The following NTN1 variants were observed in gnomAD, a reference collection of about 807,000 sequenced individuals.
NTN1 encodes netrin-1.
Under a neutral mutation model 54.2 loss-of-function variants are expected in NTN1, and 11 were observed. That is an observed-to-expected ratio of 0.20 (90% confidence interval 0.13 to 0.34). The LOEUF is 0.34. Ranked by LOEUF, NTN1 falls within the 10% of genes least tolerant of loss-of-function variation. NTN1 has a pLI of 1.00. For missense variants in NTN1, 740 were observed against 893.1 expected (o/e 0.83, Z 2.18); for synonymous variants, 371 against 382.0 (o/e 0.97, Z 0.33).
At chr17:9,196,626 G>A (rs1422976199) in intron 5 of NTN1, among the ~76,000 whole-genome samples, 4 of 152,268 alleles carry the variant, frequency 2.6e-5, no homozygotes, top group African/African-American at 9.6e-5. Flanking sequence ...AGTAAGGGCA[G>A]TAGATTGGTG....
chr17:9,058,136 T>C (rs1289137316), intron 2 of NTN1, among the ~76,000 whole-genome samples: 1 of 152,198 alleles, frequency 6.6e-6, no homozygotes, highest in African/African-American at 2.4e-5. Flanking sequence ...AAAATATGCC[T>C]GCCTCGGCCT....
At chr17:9,116,156 G>A (rs929476067) in intron 2 of NTN1, among the ~76,000 whole-genome samples, 1 of 152,364 alleles carries the variant, frequency 6.6e-6, no homozygotes, top group East Asian at 1.9e-4. Context: ...CTGTGGGCCA[G>A]CTAGACCCTT....
intron 1 of NTN1, 115 bp from the exon 2 acceptor site, chr17:9,022,196 C>A: frequency 2.9e-6 from 2 of 684,882 alleles, no homozygotes; most frequent in Non-Finnish European, 4.1e-6. Context: ...GGGCAGTCGG[C>A]TGCGGGGTGG....
chr17:9,087,012 C>T (rs1374355646), intron 2 of NTN1, among the ~76,000 whole-genome samples: 1 of 152,216 alleles, frequency 6.6e-6, no homozygotes, highest in African/African-American at 2.4e-5. Flanking sequence ...TCTTTGCACA[C>T]ATTGTCTCAT....
chr17:9,116,383 G>T (rs920697699), intron 2 of NTN1, among the ~76,000 whole-genome samples: 1 of 126,576 alleles, frequency 7.9e-6, no homozygotes, highest in Admixed American at 1.1e-4. Flanking sequence ...CCCATCTTTT[G>T]CTCCAGAAGT....
intron 2 of NTN1, among the ~76,000 whole-genome samples, chr17:9,068,703 T>G (rs1426803527): frequency 1.3e-5 from 2 of 151,796 alleles, no homozygotes; most frequent in African/African-American, 4.8e-5. Flanking sequence ...AGACGAGGTT[T>G]CTCCATGTTG....
At chr17:9,047,764 G>A (rs1030886296) in intron 2 of NTN1, among the ~76,000 whole-genome samples, 5 of 150,806 alleles carry the variant, frequency 3.3e-5, no homozygotes, top group East Asian at 1.9e-4. Flanking sequence ...GCGCGATCTC[G>A]GCTCACTGCA....
rs190386544 is a variant in NTN1, at chr17:9,097,209, A to G, written c.1019-65604A>G. Among the ~76,000 whole-genome samples, 4 of 152,376 alleles carry G rather than the reference A, an allele frequency of 2.6e-5. No individual in the cohort carries two copies. In the East Asian group the frequency reaches 7.7e-4, roughly 29 times the overall value. ...GTACAAAAATAAGTCAAAAGTCAGA[A>G]ATTCAAACGCTGCTGTAAGATGTGT... On this transcript the variant is annotated intron_variant, in intron 2 of 6. Transcript: ENST00000173229.
chr17:9,075,748 G>A (rs927461546), intron 2 of NTN1, among the ~76,000 whole-genome samples: 1 of 152,216 alleles, frequency 6.6e-6, no homozygotes, highest in African/African-American at 2.4e-5. Context: ...TGCAGCCCCC[G>A]GAGGTGTGGC....
chr17:9,036,844 C>A (rs569277970), intron 2 of NTN1, among the ~76,000 whole-genome samples: 1 of 152,334 alleles, frequency 6.6e-6, no homozygotes, highest in Admixed American at 6.5e-5. Context: ...TACCCCTCCA[C>A]TGGGGTTCCC....
intron 6 of NTN1, among the ~76,000 whole-genome samples, chr17:9,235,540 C>G (rs1905956593): frequency 6.6e-6 from 1 of 152,144 alleles, no homozygotes; most frequent in South Asian, 2.1e-4. Context: ...TGCAACAAAA[C>G]CCCTTAGATT....
At chr17:9,178,524 G>A (rs923206449) in intron 3 of NTN1, among the ~76,000 whole-genome samples, 1 of 152,200 alleles carries the variant, frequency 6.6e-6, no homozygotes, top group Non-Finnish European at 1.5e-5. Flanking sequence ...GGGAGAGGTC[G>A]TGTTTTGAGC....
At chr17:9,109,950 T>C (rs971387747) in intron 2 of NTN1, among the ~76,000 whole-genome samples, 22 of 152,228 alleles carry the variant, frequency 1.4e-4, no homozygotes, top group African/African-American at 5.1e-4. Context: ...AGTGTGTGTC[T>C]TTTCTCTTGG....
intron 2 of NTN1, among the ~76,000 whole-genome samples, chr17:9,092,319 CTTTTTTT>C (rs148786553): frequency 0.11 from 9,769 of 92,274 alleles, 395 homozygotes; most frequent in Non-Finnish European, 0.14. Flanking sequence ...CTTTTCTTCT[CTTTTTTT>C]TTTTTTTTTT....
chr17:9,190,448 T>G (rs1309221142), intron 5 of NTN1, among the ~76,000 whole-genome samples: 1 of 152,148 alleles, frequency 6.6e-6, no homozygotes, highest in Admixed American at 6.5e-5. Context: ...AAAAGAAGAT[T>G]AATGGAGGGT....
At chr17:9,198,935 C>A (rs932321086) in intron 5 of NTN1, among the ~76,000 whole-genome samples, 2 of 152,186 alleles carry the variant, frequency 1.3e-5, no homozygotes, top group Non-Finnish European at 2.9e-5. Flanking sequence ...ATTCCTGGTA[C>A]CCACTACCAG....
rs1186151257 is a variant in NTN1 at position 9,022,407 on chromosome 17, CTGGCGGCGG to C, written c.40_48del (p.Ala14_Ala16del). 11 of 1,337,516 alleles carry C rather than the reference CTGGCGGCGG, an allele frequency of 8.2e-6. 1 individual carries two copies. Among genetic ancestry groups the C allele is most frequent in the Admixed American group, 8.2e-5 (2 of 24,286 alleles). 82.9% of individuals were successfully genotyped at this position (1,337,516 alleles called of 1,614,324 possible). A position where few individuals can be genotyped will look rare whatever the true frequency, so the allele number is the denominator to read the frequency against. On this transcript the variant is annotated inframe_deletion, in exon 2 of 7. Transcript: ENST00000173229. Reference sequence around the variant, plus strand: ...CGCAGTGTGGGAGGCGCTGGCGGCGCTGGCGGCGGTGGCGTGCCTGGTGGGCGCGGTGCG... The same window carrying C: ...CGCAGTGTGGGAGGCGCTGGCGGCGCTGGCGTGCCTGGTGGGCGCGGTGCG...
Position 9,114,819 on chromosome 17 carries a change from T to C in NTN1, c.1019-47994T>C, listed in dbSNP as rs150452870. Reference sequence around the variant, plus strand: ...GAAAGATGTTACCAGTATAAACTGTTGGGCAGCACTTCTTCCTCTTTTCTC... The same window carrying C: ...GAAAGATGTTACCAGTATAAACTGTCGGGCAGCACTTCTTCCTCTTTTCTC... On this transcript the variant is annotated intron_variant, in intron 2 of 6. Transcript: ENST00000173229. 2.8e-3 allele frequency among the ~76,000 whole-genome samples: 425 copies of C among 152,326 alleles called. 4 individuals carry two copies. Among genetic ancestry groups the C allele is most frequent in the African/African-American group, 9.3e-3 (386 of 41,582 alleles).
At chr17:9,056,241 G>A (rs1284913621) in intron 2 of NTN1, among the ~76,000 whole-genome samples, 4 of 152,160 alleles carry the variant, frequency 2.6e-5, no homozygotes, top group Non-Finnish European at 5.9e-5. Flanking sequence ...ATTTTTAGTA[G>A]GGACGAGGTT....
Sources: gnomAD v4.1 joint callset for allele counts (sites outside exome capture counted in the v4.1 genomes callset) on GRCh38, gnomAD v4.1.1 for gene constraint, MANE v1.5 for transcripts, NCBI Gene and HGNC (gene_info 2026-07-23, HGNC 2026-07-21) for gene names.